Variants in CDH19 observed in about 807,000 individuals in gnomAD.
The protein encoded by CDH19 is cadherin 19, also known as cadherin-19.
In CDH19, 67 loss-of-function variants were observed where a neutral mutation model predicts 64.2. That is an observed-to-expected ratio of 1.04 (90% CI 0.86 to 1.28). CDH19 has a LOEUF of 1.28. Among genes scored for constraint, CDH19 ranks in the 50% most tolerant of loss-of-function variants. The pLI is 0.00. For synonymous variants in CDH19, 346 were observed against 319.3 expected, an observed-to-expected ratio of 1.08 and a Z score of -0.89; for missense variants, 1,030 against 929.0, an observed-to-expected ratio of 1.11 and a Z score of -1.41.
rs1206871866 is a variant in CDH19 at position 66,501,247 on chromosome 18, G to T, written c.*3565C>A. On this transcript the variant is annotated 3_prime_UTR_variant, in exon 12 of 12. Transcript: ENST00000262150. ...TGTGTGCTAGAAACATTTTTTATAC[G>T]ATGATAAATGAACAAGACTGACAAT... 1 of 152,018 alleles carries T rather than the reference G, an allele frequency of 6.6e-6. No homozygotes were observed. Among genetic ancestry groups the T allele is most frequent in the African/African-American group, 2.4e-5 (1 of 41,404 alleles). The allele number at this position is 152,018 out of a possible 1,614,324, so 9.4% of individuals were successfully genotyped here.
chr18:66,545,818 C>T (rs1484811811), intron 5 of CDH19, among the ~76,000 whole-genome samples: 1 of 151,900 alleles, frequency 6.6e-6, no homozygotes. Context: ...AAATATAGAT[C>T]GAAAGGAGTT....
chr18:66,590,617 CAGAA>C (rs1428281522), intron 1 of CDH19, among the ~76,000 whole-genome samples: 1 of 151,664 alleles, frequency 6.6e-6, no homozygotes, highest in African/African-American at 2.4e-5. Flanking sequence ...ATTCTCCTAT[CAGAA>C]AGAAATACTG....
At chr18:66,585,967 G>T (rs1988566168) in intron 1 of CDH19, among the ~76,000 whole-genome samples, 2 of 152,014 alleles carry the variant, frequency 1.3e-5, no homozygotes, top group African/African-American at 4.8e-5. Flanking sequence ...CTTAAGGGAT[G>T]AAAAATATTA....
At chr18:66,602,621 T>G (rs757657713) in intron 1 of CDH19, among the ~76,000 whole-genome samples, 1 of 151,856 alleles carries the variant, frequency 6.6e-6, no homozygotes, top group Admixed American at 6.6e-5. Flanking sequence ...AGTAAAGAAT[T>G]TACTAATGTG....
intron 1 of CDH19, among the ~76,000 whole-genome samples, chr18:66,594,507 A>G (rs1050220628): frequency 6.6e-6 from 1 of 151,982 alleles, no homozygotes; most frequent in Non-Finnish European, 1.5e-5. Context: ...TCAACCACAC[A>G]CTTGGCCATA....
At chr18:66,547,151 G>T (rs1395719684) in intron 5 of CDH19, among the ~76,000 whole-genome samples, 3 of 152,066 alleles carry the variant, frequency 2.0e-5, no homozygotes, top group African/African-American at 7.2e-5. Context: ...GAAATAAGAT[G>T]GTGCCATGTG....
intron 7 of CDH19, among the ~76,000 whole-genome samples, chr18:66,537,877 A>T (rs1232329496): frequency 6.6e-6 from 1 of 152,086 alleles, no homozygotes; most frequent in Non-Finnish European, 1.5e-5. Flanking sequence ...GTACAAACAC[A>T]TCTATATTTA....
rs542844527 is a variant in CDH19 at position 66,501,445 on chromosome 18, T to C, written c.*3367A>G. The C allele has an allele frequency of 1.3e-5, 2 of 152,092 alleles. No homozygotes were observed. Among genetic ancestry groups the C allele is most frequent in the Admixed American group, 6.6e-5 (1 of 15,250 alleles). The allele number at this position is 152,092 out of a possible 1,614,324, so 9.4% of individuals were successfully genotyped here. On this transcript the variant is annotated 3_prime_UTR_variant, in exon 12 of 12. Coordinates refer to ENST00000262150, the MANE Select transcript of CDH19 (RefSeq NM_021153.4). ...CTGAATGAAGTGATGTAATGGAAAA[T>C]AGAAGTGTTTGAAGGAAGATTGCTT...
intron 8 of CDH19, chr18:66,532,672 C>G (rs1178967931): frequency 9.0e-6 from 4 of 442,346 alleles, no homozygotes; most frequent in Non-Finnish European, 1.8e-5. Flanking sequence ...GTGACCATCT[C>G]TTTGAAATGT....
At chr18:66,535,305 G>T (rs1003311477) in intron 7 of CDH19, among the ~76,000 whole-genome samples, 198 bp from the exon 8 acceptor site, 7 of 151,534 alleles carry the variant, frequency 4.6e-5, no homozygotes, top group African/African-American at 1.5e-4. Flanking sequence ...GACGTAACAT[G>T]ACTTTAGATT....
Position 66,508,990 on chromosome 18 carries a change from C to T in CDH19, c.1828+5G>A, listed in dbSNP as rs772639440. 25 of 1,603,068 alleles carry T rather than the reference C, an allele frequency of 1.6e-5. No homozygotes were observed. Among genetic ancestry groups the T allele is most frequent in the Non-Finnish European group, 2.0e-5 (24 of 1,171,066 alleles). On this transcript the variant is annotated splice_donor_5th_base_variant and intron_variant, in intron 11 of 11. Coordinates refer to ENST00000262150, the MANE Select transcript of CDH19 (RefSeq NM_021153.4). ...ATGAGAATAGCAATGATGACTTCTA[C>T]CTACCAAATATGATCATAATGCAAA...
At chr18:66,582,283 G>C (rs1200762916) in intron 1 of CDH19, among the ~76,000 whole-genome samples, 1 of 152,014 alleles carries the variant, frequency 6.6e-6, no homozygotes, top group Non-Finnish European at 1.5e-5. Context: ...CTGTGTGGGG[G>C]AAGACATAAG....
Position 66,502,122 on chromosome 18 carries a change from T to C in CDH19, c.*2690A>G, listed in dbSNP as rs1158768058. Reference sequence around the variant, plus strand: ...CTTTTTAGTTTAAGAGCTGTGTTCTTGCAACACCCATGTGATGCAAAACAT... The same window carrying C: ...CTTTTTAGTTTAAGAGCTGTGTTCTCGCAACACCCATGTGATGCAAAACAT... On this transcript the variant is annotated 3_prime_UTR_variant, in exon 12 of 12. Coordinates refer to ENST00000262150, the MANE Select transcript of CDH19 (RefSeq NM_021153.4). 6.6e-6 allele frequency: 1 copy of C among 152,120 alleles called. No individual in the cohort carries two copies. Among genetic ancestry groups the C allele is most frequent in the African/African-American group, 2.4e-5 (1 of 41,454 alleles). The allele number at this position is 152,120 out of a possible 1,614,324, so 9.4% of individuals were successfully genotyped here.
rs115596559 is a variant in CDH19, at chr18:66,546,167, T to C, written c.776-1264A>G. Among the ~76,000 whole-genome samples, 1,081 of 152,236 alleles carry C rather than the reference T, an allele frequency of 7.1e-3. 9 individuals are homozygous for C. Among genetic ancestry groups the C allele is most frequent in the African/African-American group, 0.024 (1,006 of 41,570 alleles). ...ATTCTTCTTTAAAGGGATTCCTAGT[T>C]CCTTTAGAAGCATGGAGGAGGCAGT... On this transcript the variant is annotated intron_variant, in intron 5 of 11. Coordinates refer to ENST00000262150, the MANE Select transcript of CDH19 (RefSeq NM_021153.4).
At chr18:66,524,817 G>T (rs1986158159) in intron 9 of CDH19, among the ~76,000 whole-genome samples, 2 of 151,600 alleles carry the variant, frequency 1.3e-5, no homozygotes, top group South Asian at 4.2e-4. Context: ...GTTTTATTCT[G>T]CCCCAATTTT....
chr18:66,602,752 T>A (rs1568218062), intron 1 of CDH19, among the ~76,000 whole-genome samples: 1 of 151,458 alleles, frequency 6.6e-6, no homozygotes, highest in Admixed American at 6.6e-5. Flanking sequence ...CTAAATGACA[T>A]AAATTGATTG....
intron 1 of CDH19, among the ~76,000 whole-genome samples, chr18:66,587,060 C>T (rs1420633265): frequency 1.3e-5 from 2 of 152,038 alleles, no homozygotes; most frequent in Non-Finnish European, 2.9e-5. Context: ...TCTGTTTCTC[C>T]ATCAAACACC....
At position 66,502,275 on chromosome 18, in the gene CDH19, C is replaced by T. The variant is rs1209633721; in HGVS notation, c.*2537G>A. ...TTAGACTACCAAAGAGATGAGCAAT[C>T]GTGTCTGTGCTTTCCCTGTGTATCC... On this transcript the variant is annotated 3_prime_UTR_variant, in exon 12 of 12. Coordinates refer to ENST00000262150, the MANE Select transcript of CDH19 (RefSeq NM_021153.4). 1 of 151,976 alleles carries T rather than the reference C, an allele frequency of 6.6e-6. No individual in the cohort carries two copies. Among genetic ancestry groups the T allele is most frequent in the Non-Finnish European group, 1.5e-5 (1 of 67,956 alleles). The allele number at this position is 151,976 out of a possible 1,614,324, so 9.4% of individuals were successfully genotyped here.
At chr18:66,511,332 CCA>C (rs201090439) in intron 10 of CDH19, among the ~76,000 whole-genome samples, 17,773 of 151,558 alleles carry the variant, frequency 0.12, 1,349 homozygotes, top group Admixed American at 0.16. Flanking sequence ...GAGCTTACAG[CCA>C]TTGATAACTT....
Sources: allele counts gnomAD v4.1 joint callset (sites outside exome capture counted in the v4.1 genomes callset), GRCh38; gene constraint gnomAD v4.1.1; transcripts MANE v1.5; gene names NCBI Gene and HGNC (gene_info 2026-07-23, HGNC 2026-07-21).